GCC1: variants seen among roughly 807,000 people sequenced by gnomAD.
GCC1 encodes the protein GRIP and coiled-coil domain-containing protein 1.
Under a neutral mutation model 62.5 loss-of-function variants are expected in GCC1, and 36 were observed. The observed-to-expected ratio is 0.58, with a 90% CI of 0.44 to 0.76. GCC1 has a LOEUF of 0.76. GCC1 is among the 30% of genes least tolerant of loss of function. The pLI is 0.00. For synonymous variants in GCC1, 391 were observed against 386.8 expected (o/e 1.01, Z -0.13); for missense variants, 885 against 948.3 (o/e 0.93, Z 0.88).
Position 127,581,727 on chromosome 7 carries a change from C to A in GCC1, c.*287G>T. The A allele has an allele frequency of 5.3e-6, 2 of 378,040 alleles. No individual in the cohort carries two copies. The highest frequency in any genetic ancestry group is 9.5e-6 in the Non-Finnish European group (2 of 210,466). 23.4% of individuals were successfully genotyped at this position (378,040 alleles called of 1,614,324 possible). On this transcript the variant is annotated 3_prime_UTR_variant, in exon 2 of 2. Transcript: ENST00000321407. ...AACAAAACATCTTATTTTAAAACAGCCTTACCACTGTTCCAACTTCTGCAC... is the reference window on the plus strand; with the variant it reads ...AACAAAACATCTTATTTTAAAACAGACTTACCACTGTTCCAACTTCTGCAC...
Position 127,582,435 on chromosome 7 carries a change from G to C in GCC1, c.1907C>G (p.Ser636Cys). ...TTGTAATGCTTGGGTCAGGCTATCAGAGGATGATGTGTCAGCTGGGTCCCC... is the reference window on the plus strand; with the variant it reads ...TTGTAATGCTTGGGTCAGGCTATCACAGGATGATGTGTCAGCTGGGTCCCC... Reference protein sequence around the residue: ...GPGDPADTSSSDSLTQALQLA... With the variant: ...GPGDPADTSSCDSLTQALQLA... Residue 636 changes from serine to cysteine, a missense_variant, in exon 2 of 2, where the codon TCT (serine) becomes TGT (cysteine). By Grantham distance (112) the Ser-to-Cys change is moderately radical. Transcript: ENST00000321407. This position sits in a 1 kb window ranked among gnomAD's most constrained non-coding sequence, Gnocchi z 4.8. 6.2e-7 allele frequency: 1 copy of C among 1,614,168 alleles called. No individual in the cohort carries two copies. The highest frequency in any genetic ancestry group is 2.2e-5 in the East Asian group (1 of 44,872).
In GCC1 at chr7:127,582,662, C is replaced by T; in HGVS notation, c.1680G>A (p.Gln560=). Residue 560 remains glutamine, a synonymous_variant, in exon 2 of 2, where the codon CAG becomes CAA. Transcript: ENST00000321407. The surrounding 1 kb of genome is among the most constrained non-coding windows in gnomAD (Gnocchi z 4.8). ...DDWKQELARL[Q]QLHRQELERC... Reference sequence around the variant, plus strand: ...GCTCCAGCTCCTGCCGGTGGAGCTGCTGCAGCCGGGCCAGCTCCTGCTTCC... The same window carrying T: ...GCTCCAGCTCCTGCCGGTGGAGCTGTTGCAGCCGGGCCAGCTCCTGCTTCC... 2.6e-5 allele frequency: 42 copies of T among 1,613,676 alleles called. No homozygotes were observed. Among genetic ancestry groups the T allele is most frequent in the Non-Finnish European group, 3.5e-5 (41 of 1,180,032 alleles).
At position 127,581,692 on chromosome 7, in the gene GCC1, ATAT is replaced by A. The variant is rs1794135753; in HGVS notation, c.*319_*321del. ...TTACTCCTAGCTTTGTGCCAGGAGC[ATAT>A]TATTAAAACAAAACATCTTATTTTA... On this transcript the variant is annotated 3_prime_UTR_variant, in exon 2 of 2. Transcript: ENST00000321407. 1 of 245,050 alleles carries A rather than the reference ATAT, an allele frequency of 4.1e-6. No individual in the cohort carries two copies. The highest frequency in any genetic ancestry group is 2.3e-5 in the African/African-American group (1 of 44,234). The allele number at this position is 245,050 out of a possible 1,614,324, so 15.2% of individuals were successfully genotyped here. A position where few individuals can be genotyped will look rare whatever the true frequency, so the allele number is the denominator to read the frequency against.
At position 127,584,148 on chromosome 7, in the gene GCC1, T is replaced by C. The variant is rs1266574986; in HGVS notation, c.1032+3A>G. 1.2e-6 allele frequency: 2 copies of C among 1,612,290 alleles called. No individual in the cohort carries two copies. The highest frequency in any genetic ancestry group is 1.7e-6 in the Non-Finnish European group (2 of 1,178,884). On this transcript the variant is annotated splice_donor_region_variant and intron_variant, in intron 1 of 1. Transcript: ENST00000321407. Reference sequence around the variant, plus strand: ...GATGTTTGAAAGAGATATGGATAATTACCTTTCTCATTTCCTGCTGTAACT... The same window carrying C: ...GATGTTTGAAAGAGATATGGATAATCACCTTTCTCATTTCCTGCTGTAACT...
In GCC1 at chr7:127,582,074, C is replaced by T; in HGVS notation, c.2268G>A (p.Glu756=). The T allele has an allele frequency of 6.2e-7, 1 of 1,614,216 alleles. No individual in the cohort carries two copies. The highest frequency in any genetic ancestry group is 1.7e-5 in the Admixed American group (1 of 60,024). The change falls in exon 2 of 2, where the codon GAG becomes GAA. Residue 756 remains glutamate (E), a synonymous_variant. Coordinates refer to ENST00000321407, the MANE Select transcript of GCC1 (RefSeq NM_024523.6). This position sits in a 1 kb window ranked among gnomAD's most constrained non-coding sequence, Gnocchi z 4.8. Reference sequence around the variant, plus strand: ...TTGGGAGTCGCATTATCACTTGTTTCTCCTCTGGACTGAAGTGCAAGATAG... The same window carrying T: ...TTGGGAGTCGCATTATCACTTGTTTTTCCTCTGGACTGAAGTGCAAGATAG... ...ILTILHFSPE[E]KQVIMRLPTS...
At position 127,585,219 on chromosome 7, in the gene GCC1, A is replaced by G; in HGVS notation, c.-37T>C. The G allele has an allele frequency of 6.5e-7, 1 of 1,533,416 alleles. No individual in the cohort carries two copies. The highest frequency in any genetic ancestry group is 8.8e-7 in the Non-Finnish European group (1 of 1,142,126). 95.0% of individuals were successfully genotyped at this position (1,533,416 alleles called of 1,614,324 possible). A position where few individuals can be genotyped will look rare whatever the true frequency, so the allele number is the denominator to read the frequency against. On this transcript the variant is annotated 5_prime_UTR_variant, in exon 1 of 2. Transcript: ENST00000321407. ...ACGGATTGCCCCACGTCAGCTTTCCAGCAGAACGGGAGAGGGCCGTGAAGA... is the reference window on the plus strand; with the variant it reads ...ACGGATTGCCCCACGTCAGCTTTCCGGCAGAACGGGAGAGGGCCGTGAAGA...
rs774255264 is a variant in GCC1 at position 127,585,163 on chromosome 7, T to C, written c.20A>G (p.Asn7Ser). Residue 7 changes from asparagine (N) to serine (S), a missense_variant, in exon 1 of 2, where the codon AAT becomes AGT. Coordinates refer to ENST00000321407, the MANE Select transcript of GCC1 (RefSeq NM_024523.6). MEKFGM[N>S]FGGGPSKKDL... ...CTTCTTGCTCGGGCCGCCCCCGAAATTCATCCCAAACTTCTCCATGGAGGG... is the reference window on the plus strand; with the variant it reads ...CTTCTTGCTCGGGCCGCCCCCGAAACTCATCCCAAACTTCTCCATGGAGGG... The C allele has an allele frequency of 1.2e-6, 2 of 1,604,126 alleles. No individual in the cohort carries two copies. Among genetic ancestry groups the C allele is most frequent in the East Asian group, 4.5e-5 (2 of 44,776 alleles).
At position 127,585,073 on chromosome 7, in the gene GCC1, T is replaced by A. The variant is rs766438981; in HGVS notation, c.110A>T (p.Asp37Val). ...QLLQYQARLK[D>V]VVRAYKSLLK... The stretch of plus-strand genomic sequence containing the variant: ...CAGGCTTTTATAGGCACGGACCACA[T>A]CCTTGAGCCGTGCCTGGTACTGGAG... Residue 37 changes from aspartate (D) to valine (V), a missense_variant, in exon 1 of 2, where the codon GAT becomes GTT. Coordinates refer to ENST00000321407, the MANE Select transcript of GCC1 (RefSeq NM_024523.6). 6.2e-7 allele frequency: 1 copy of A among 1,614,132 alleles called. No individual in the cohort carries two copies. The highest frequency in any genetic ancestry group is 1.1e-5 in the South Asian group (1 of 91,088).
chr7:127,582,712 G>A lies in GCC1; in HGVS notation c.1630C>T (p.Gln544Ter). 1.2e-6 allele frequency: 2 copies of A among 1,614,070 alleles called. No individual in the cohort carries two copies. The highest frequency in any genetic ancestry group is 1.7e-6 in the Non-Finnish European group (2 of 1,180,032). Residue 544 changes from glutamine to a stop codon, truncating the protein, a stop_gained, in exon 2 of 2, where the codon CAA (glutamine) becomes TAA (stop). Coordinates refer to ENST00000321407, the MANE Select transcript of GCC1 (RefSeq NM_024523.6). LOFTEE classifies it high-confidence loss of function. This position sits in a 1 kb window ranked among gnomAD's most constrained non-coding sequence, Gnocchi z 4.8. ...CAGTCATCAGCCTCCTGCTGGTGTT[G>A]GTGCTCCAGCTCCTCGCAGGAGAGC... Reference protein sequence around the residue: ...LRLSCEELEHQHQQEADDWKQ... With the variant: ...LRLSCEELEH
Position 127,582,561 on chromosome 7 carries a change from G to C in GCC1, c.1781C>G (p.Ala594Gly), listed in dbSNP as rs1371878654. The change falls in exon 2 of 2, where the codon GCT becomes GGT. Residue 594 changes from alanine (A) to glycine (G), a missense_variant. Ala to Gly is a moderately conservative substitution (Grantham distance 60). Coordinates refer to ENST00000321407, the MANE Select transcript of GCC1 (RefSeq NM_024523.6). The surrounding 1 kb of genome is among the most constrained non-coding windows in gnomAD (Gnocchi z 4.8). The part of the protein sequence containing the change: ...ELHKQRDRAL[A>G]VLTEKDLELE... Reference sequence around the variant, plus strand: ...TTCCAAGTCCTTCTCGGTGAGCACAGCTAGGGCACGATCCCGCTGCTTGTG... The same window carrying C: ...TTCCAAGTCCTTCTCGGTGAGCACACCTAGGGCACGATCCCGCTGCTTGTG... The C allele has an allele frequency of 1.9e-6, 3 of 1,611,356 alleles. No individual in the cohort carries two copies. The Admixed American group carries it at 5.0e-5, about 27-fold the overall frequency.
At position 127,583,202 on chromosome 7, in the gene GCC1, G is replaced by T; in HGVS notation, c.1140C>A (p.Tyr380Ter). ...GCTGGTCCTTCTGCTTGGCTTTCTC[G>T]TAGGTGCCTAGCAGCTCAGACACCT... ...ISEVSELLGT[Y>*]EKAKQKDQLA... is the part of the protein sequence containing the mutation. The change falls in exon 2 of 2, where the codon TAC (tyrosine) becomes TAA (stop). Residue 380 changes from tyrosine to a stop codon, truncating the protein, a stop_gained. Coordinates refer to ENST00000321407, the MANE Select transcript of GCC1 (RefSeq NM_024523.6). LOFTEE classifies it high-confidence loss of function. The T allele has an allele frequency of 6.2e-7, 1 of 1,613,864 alleles. No individual in the cohort carries two copies. Among genetic ancestry groups the T allele is most frequent in the South Asian group, 1.1e-5 (1 of 91,064 alleles).
chr7:127,585,419 C>T lies in GCC1; in HGVS notation c.-237G>A, dbSNP rs1036368216. ...ATTCTACCCCGGAGGCGGGGCGACA[C>T]TGGCACCAGAGGTGCGCACTGCCAG... is the stretch of plus-strand genomic sequence containing the variant. On this transcript the variant is annotated 5_prime_UTR_variant, in exon 1 of 2. In the 5' UTR this introduces an upstream ATG that the reference lacks. Coordinates refer to ENST00000321407, the MANE Select transcript of GCC1 (RefSeq NM_024523.6). 5.4e-6 allele frequency: 3 copies of T among 551,228 alleles called. No individual in the cohort carries two copies. Among genetic ancestry groups the T allele is most frequent in the Non-Finnish European group, 9.6e-6 (3 of 311,822 alleles). The allele number at this position is 551,228 out of a possible 1,614,324, so 34.1% of individuals were successfully genotyped here. A position where few individuals can be genotyped will look rare whatever the true frequency, so the allele number is the denominator to read the frequency against.
chr7:127,581,445 T>A lies in GCC1; in HGVS notation c.*569A>T, dbSNP rs908129027. 1 of 153,888 alleles carries A rather than the reference T, an allele frequency of 6.5e-6. No homozygotes were observed. The highest frequency in any genetic ancestry group is 1.4e-5 in the Non-Finnish European group (1 of 69,334). The allele number at this position is 153,888 out of a possible 1,614,324, so 9.5% of individuals were successfully genotyped here. A position where few individuals can be genotyped will look rare whatever the true frequency, so the allele number is the denominator to read the frequency against. Reference sequence around the variant, plus strand: ...GGTCATCCCCAGGCACTAATTAGACTAAGCTTCCCAGTTCCTTCCAGAATA... The same window carrying A: ...GGTCATCCCCAGGCACTAATTAGACAAAGCTTCCCAGTTCCTTCCAGAATA... On this transcript the variant is annotated 3_prime_UTR_variant, in exon 2 of 2. Coordinates refer to ENST00000321407, the MANE Select transcript of GCC1 (RefSeq NM_024523.6).
Position 127,581,999 on chromosome 7 carries a change from TTCATGAAAATGGCA to T in GCC1, c.*1_*14del. 3 of 1,591,932 alleles carry T rather than the reference TTCATGAAAATGGCA, an allele frequency of 1.9e-6. No homozygotes were observed. The South Asian group carries it at 3.4e-5, about 18-fold the overall frequency. On this transcript the variant is annotated 3_prime_UTR_variant, in exon 2 of 2. Transcript: ENST00000321407. The stretch of plus-strand genomic sequence containing the variant: ...AAAAGAGGCACAGAAATTCCAGGAA[TTCATGAAAATGGCA>T]TCATCTCTTGCCAGAAGGCCACCAG...
Position 127,584,316 on chromosome 7 carries a change from T to G in GCC1, c.867A>C (p.Glu289Asp), listed in dbSNP as rs1171467456. Residue 289 changes from glutamate (E) to aspartate (D), a missense_variant, in exon 1 of 2, where the codon GAA becomes GAC. Coordinates refer to ENST00000321407, the MANE Select transcript of GCC1 (RefSeq NM_024523.6). ...CACGGGTCAGCTGCTTGGTCTGCAG[T>G]TCAAATCCTTCCATCTGTTCAGCTG... is the stretch of plus-strand genomic sequence containing the variant. ...AYAAEQMEGF[E>D]LQTKQLTREV... 1 of 1,613,566 alleles carries G rather than the reference T, an allele frequency of 6.2e-7. No homozygotes were observed. The highest frequency in any genetic ancestry group is 1.3e-5 in the African/African-American group (1 of 74,734).
Position 127,585,430 on chromosome 7 carries a change from G to C in GCC1, c.-248C>G. 1.9e-6 allele frequency: 1 copy of C among 530,080 alleles called. No individual in the cohort carries two copies. The highest frequency in any genetic ancestry group is 2.4e-5 in the South Asian group (1 of 40,920). 32.8% of individuals were successfully genotyped at this position (530,080 alleles called of 1,614,324 possible). A position where few individuals can be genotyped will look rare whatever the true frequency, so the allele number is the denominator to read the frequency against. On this transcript the variant is annotated 5_prime_UTR_variant, in exon 1 of 2. Transcript: ENST00000321407. ...GAGGCGGGGCGACACTGGCACCAGAGGTGCGCACTGCCAGGGCTCGTTAGC... is the reference window on the plus strand; with the variant it reads ...GAGGCGGGGCGACACTGGCACCAGACGTGCGCACTGCCAGGGCTCGTTAGC...
chr7:127,582,953 C>G lies in GCC1; in HGVS notation c.1389G>C (p.Glu463Asp). The G allele has an allele frequency of 5.6e-6, 9 of 1,614,174 alleles. No homozygotes were observed. Among genetic ancestry groups the G allele is most frequent in the Non-Finnish European group, 6.8e-6 (8 of 1,180,032 alleles). The change falls in exon 2 of 2, where the codon GAG becomes GAC. Residue 463 changes from glutamate to aspartate, a missense_variant. Physicochemically the swap from Glu to Asp is conservative, Grantham distance 45. Transcript: ENST00000321407. The surrounding 1 kb of genome is among the most constrained non-coding windows in gnomAD (Gnocchi z 4.8). ...CAGCAGCCTCCGAGCTGGGCATTAT[C>G]TCCAGGTCACAGAGCTTCTCCACAT... is the stretch of plus-strand genomic sequence containing the variant. ...TLDVEKLCDL[E>D]IMPSSEAADG...
chr7:127,584,817 G>C lies in GCC1; in HGVS notation c.366C>G (p.Ala122=), dbSNP rs1794180614. The change falls in exon 1 of 2, where the codon GCC becomes GCG. Residue 122 remains alanine, a synonymous_variant. Transcript: ENST00000321407. ...CGGACTTTGGAGGTGGTGGTCCACG[G>C]GCCGGTCTGTCATCTTCTACCCCAA... is the stretch of plus-strand genomic sequence containing the variant. ...GEFGVEDDRP[A]RGPPPPKSEE... is the part of the protein sequence containing the mutation. The C allele has an allele frequency of 6.2e-7, 1 of 1,614,166 alleles. No individual in the cohort carries two copies. Among genetic ancestry groups the C allele is most frequent in the Non-Finnish European group, 8.5e-7 (1 of 1,180,032 alleles).
rs750572408 is a variant in GCC1 at position 127,581,961 on chromosome 7, C to A, written c.*53G>T. The A allele has an allele frequency of 7.3e-7, 1 of 1,374,718 alleles. No individual in the cohort carries two copies. The highest frequency in any genetic ancestry group is 1.0e-6 in the Non-Finnish European group (1 of 978,838). 85.2% of individuals were successfully genotyped at this position (1,374,718 alleles called of 1,614,324 possible). On this transcript the variant is annotated 3_prime_UTR_variant, in exon 2 of 2. Coordinates refer to ENST00000321407, the MANE Select transcript of GCC1 (RefSeq NM_024523.6). ...AAGAGGCAGCAGAAACCAGAGCCTG[C>A]CCTTTCCCACATAAAAGAGGCACAG... is the stretch of plus-strand genomic sequence containing the variant.
Sources: allele counts gnomAD v4.1 joint callset, GRCh38; gene constraint gnomAD v4.1.1; non-coding constraint Gnocchi (gnomAD v3.1); transcripts MANE v1.5; gene names NCBI Gene and HGNC (gene_info 2026-07-23, HGNC 2026-07-21).